The following NFATC2 variants were observed in gnomAD, a reference collection of about 807,000 sequenced individuals.
The protein encoded by NFATC2 is nuclear factor of activated T-cells, cytoplasmic 2.
Under a neutral mutation model 87.3 loss-of-function variants are expected in NFATC2, and 22 were observed. The observed-to-expected ratio is 0.25, with a 90% CI of 0.18 to 0.36. NFATC2 has a LOEUF of 0.36. Ranked by LOEUF, NFATC2 falls within the 10% of genes least tolerant of loss-of-function variation. The pLI is 1.00. For synonymous variants in NFATC2, 565 were observed against 542.2 expected (o/e 1.04, Z -0.58); for missense variants, 1,149 against 1,259.1 (o/e 0.91, Z 1.32).
At chr20:51,446,543 T>C (rs117195966) in intron 6 of NFATC2, among the ~76,000 whole-genome samples, 2,467 of 152,306 alleles carry the variant, frequency 0.016, 35 homozygotes, top group Non-Finnish European at 0.024. Context: ...GAACAATTTC[T>C]GATGGTGGAA....
At chr20:51,400,471 T>TG (rs550662287) in intron 9 of NFATC2, among the ~76,000 whole-genome samples, 626 of 55,752 alleles carry the variant, frequency 0.011, 1 homozygote, top group South Asian at 0.018. Flanking sequence ...ATATGGGGGG[T>TG]GGGGGGGCAC....
chr20:51,418,475 G>A (rs768944606), intron 9 of NFATC2, among the ~76,000 whole-genome samples: 16 of 152,174 alleles, frequency 1.1e-4, no homozygotes, highest in Non-Finnish European at 1.6e-4. Flanking sequence ...AATCCAGCCC[G>A]AAATGTCAGT....
chr20:51,533,781 C>T lies in NFATC2; in HGVS notation c.130+8589G>A, dbSNP rs1445991196. The stretch of plus-strand genomic sequence containing the variant: ...GCTTGCAGACTGGCTCTGGCATGAC[C>T]GCTTGCAAAAACACACGAACCCACG... On this transcript the variant is annotated intron_variant, in intron 1 of 10. Transcript: ENST00000371564. Among the ~76,000 whole-genome samples the T allele has an allele frequency of 4.6e-5, 7 of 152,346 alleles. No individual in the cohort carries two copies. In the East Asian group the frequency reaches 9.6e-4, roughly 21 times the overall value.
chr20:51,540,986 G>A (rs911601625), intron 1 of NFATC2, among the ~76,000 whole-genome samples: 13 of 152,074 alleles, frequency 8.5e-5, no homozygotes, highest in Admixed American at 7.2e-4. Flanking sequence ...CCTCCAGATT[G>A]CAACTCTAGA....
At chr20:51,468,253 C>T (rs912040294) in intron 5 of NFATC2, among the ~76,000 whole-genome samples, 1 of 152,024 alleles carries the variant, frequency 6.6e-6, no homozygotes, top group South Asian at 2.1e-4. Flanking sequence ...TGGGTATATG[C>T]GATTGTCAAA....
Position 51,513,191 on chromosome 20 carries a change from C to A in NFATC2, c.1332+3593G>T, listed in dbSNP as rs564232326. The stretch of plus-strand genomic sequence containing the variant: ...TATATTGGATCTTCAAAGTTACAGG[C>A]ACTTGGGCCACTTGTGGTGGCTCAC... On this transcript the variant is annotated intron_variant, in intron 3 of 10. Transcript: ENST00000371564. 7.2e-5 allele frequency among the ~76,000 whole-genome samples: 11 copies of A among 152,310 alleles called. No individual in the cohort carries two copies. The South Asian group carries it at 1.2e-3, about 17-fold the overall frequency.
rs1317622208 is a variant in NFATC2 at position 51,432,423 on chromosome 20, C to A, written c.2366G>T (p.Gly789Val). 3.1e-6 allele frequency: 5 copies of A among 1,588,946 alleles called. No homozygotes were observed. The Admixed American group carries it at 8.5e-5, about 27-fold the overall frequency. The part of the protein sequence containing the change: ...DAHRSVLVHA[G>V]SQGQSSALLH... The stretch of plus-strand genomic sequence containing the variant: ...CAGGGCTGAGCTCTGGCCCTGGGAG[C>A]CGGCGTGCACCAGCACAGAGCGGTG... Residue 789 changes from glycine to valine, a missense_variant, in exon 9 of 11, where the codon GGC (glycine) becomes GTC (valine). Gly to Val is a moderately radical substitution (Grantham distance 109). Transcript: ENST00000371564. The surrounding 1 kb of genome is among the most constrained non-coding windows in gnomAD (Gnocchi z 4.6).
At chr20:51,396,080 A>G (rs1227824188) in intron 10 of NFATC2, among the ~76,000 whole-genome samples, 2 of 88,422 alleles carry the variant, frequency 2.3e-5, no homozygotes, top group Non-Finnish European at 4.6e-5. Context: ...ATATATATAT[A>G]TATATATATA....
At chr20:51,521,223 T>C (rs1170704639) in intron 2 of NFATC2, among the ~76,000 whole-genome samples, 1 of 152,260 alleles carries the variant, frequency 6.6e-6, no homozygotes, top group Non-Finnish European at 1.5e-5. Flanking sequence ...TCATCTGGTA[T>C]GGGGGTGAAC....
chr20:51,481,619 G>A (rs535301751), intron 3 of NFATC2, among the ~76,000 whole-genome samples: 22 of 152,208 alleles, frequency 1.4e-4, no homozygotes, highest in South Asian at 4.2e-4. Flanking sequence ...TGGCGTCTGC[G>A]GGGGTGGGGG....
chr20:51,558,080 C>T lies in NFATC2; in HGVS notation c.70+4480G>A, dbSNP rs186029925. On this transcript the variant is annotated intron_variant, in intron 1 of 10. Coordinates refer to the NFATC2 transcript ENST00000414705. ...ACCTGGCCGGCCATGGTAGCTCATG[C>T]CTGTAAACTCAGCACTTTGGGAGGC... Among the ~76,000 whole-genome samples the T allele has an allele frequency of 1.2e-4, 18 of 152,278 alleles. No individual in the cohort carries two copies. In the East Asian group the frequency reaches 3.3e-3, roughly 28 times the overall value.
At chr20:51,437,466 G>T (rs1006564083) in intron 6 of NFATC2, among the ~76,000 whole-genome samples, 1 of 152,170 alleles carries the variant, frequency 6.6e-6, no homozygotes, top group African/African-American at 2.4e-5. Context: ...TTTAAGCACA[G>T]CTATTCCCAT....
chr20:51,492,709 G>T (rs2075915646), intron 3 of NFATC2, among the ~76,000 whole-genome samples: 1 of 152,236 alleles, frequency 6.6e-6, no homozygotes, highest in African/African-American at 2.4e-5. Flanking sequence ...AGGCGGCCGG[G>T]GCTCCATGCC....
intron 3 of NFATC2, among the ~76,000 whole-genome samples, chr20:51,506,870 C>T (rs2076191696): frequency 6.6e-6 from 1 of 152,202 alleles, no homozygotes; most frequent in African/African-American, 2.4e-5. Context: ...CAGAGAAAAT[C>T]AGCTTCACCT....
chr20:51,511,792 A>G (rs1391439326), intron 3 of NFATC2, among the ~76,000 whole-genome samples: 1 of 152,218 alleles, frequency 6.6e-6, no homozygotes, highest in Non-Finnish European at 1.5e-5. Context: ...CTTCTAATCT[A>G]GTCCCCAGGG....
intron 3 of NFATC2, among the ~76,000 whole-genome samples, chr20:51,505,190 A>AT (rs966128865): frequency 1.4e-4 from 21 of 150,370 alleles, no homozygotes; most frequent in Non-Finnish European, 3.0e-4. Context: ...ATTTTTTTGT[A>AT]TTTTTTTAGT....
At chr20:51,545,246 A>G (rs921182822), upstream of NFATC2, among the ~76,000 whole-genome samples, 3 of 152,232 alleles carry the variant, frequency 2.0e-5, no homozygotes, top group Non-Finnish European at 4.4e-5. Flanking sequence ...ATTAAGTGCC[A>G]CTAAATCTAG....
intron 9 of NFATC2, among the ~76,000 whole-genome samples, chr20:51,405,876 A>C (rs1013173874): frequency 1.3e-5 from 2 of 152,198 alleles, no homozygotes; most frequent in Non-Finnish European, 2.9e-5. Context: ...TCCCAGGTTC[A>C]AGCGATTCTC....
Position 51,408,958 on chromosome 20 carries a change from A to G in NFATC2, c.2723-10228T>C, listed in dbSNP as rs551520020. 7.2e-5 allele frequency among the ~76,000 whole-genome samples: 11 copies of G among 152,332 alleles called. No individual in the cohort carries two copies. The East Asian group carries it at 2.1e-3, about 29-fold the overall frequency. On this transcript the variant is annotated intron_variant, in intron 9 of 10. Transcript: ENST00000371564. ...GTGACCTGACAACACATCATCCTAAACTACACCCAGAAAACTCACACCTTT... is the reference window on the plus strand; with the variant it reads ...GTGACCTGACAACACATCATCCTAAGCTACACCCAGAAAACTCACACCTTT...
Sources: gnomAD v4.1 joint callset for allele counts (sites outside exome capture counted in the v4.1 genomes callset) on GRCh38, gnomAD v4.1.1 for gene constraint, Gnocchi (gnomAD v3.1) non-coding constraint, MANE v1.5 for transcripts, NCBI Gene and HGNC (gene_info 2026-07-23, HGNC 2026-07-21) for gene names.